Variants in EML1 observed in about 807,000 individuals in gnomAD.
EML1 encodes the protein echinoderm microtubule-associated protein-like 1.
EML1 carries 27 observed loss-of-function variants against 110.4 expected under a neutral mutation model. The ratio of observed to expected loss-of-function variants is 0.24; its 90% confidence interval spans 0.18 to 0.34. The LOEUF (loss-of-function observed/expected upper bound fraction) is 0.34. Among genes scored for constraint, EML1 ranks in the 10% least tolerant of loss-of-function variants. The pLI is 1.00. For missense variants in EML1, 741 were observed against 1,030.9 expected (o/e 0.72, Z 3.85); for synonymous variants, 344 against 385.8 (o/e 0.89, Z 1.27).
At chr14:99,843,119 TG>T (rs1471070487) in intron 1 of EML1, among the ~76,000 whole-genome samples, 2 of 152,126 alleles carry the variant, frequency 1.3e-5, no homozygotes, top group Admixed American at 6.6e-5. Context: ...CTAGATGTGG[TG>T]GTGTGCATCT....
rs143087620 is a variant in EML1, at chr14:99,763,424, C to T, written c.28+25564C>T. 4.1e-3 allele frequency among the ~76,000 whole-genome samples: 626 copies of T among 152,272 alleles called. 3 individuals carry two copies. The highest frequency in any genetic ancestry group is 6.9e-3 in the Non-Finnish European group (471 of 68,014). ...CGTGGATTTATTGCAAGACAACCCT[C>T]TTCATAGCAGCACACTCAGGCACCT... On this transcript the variant is annotated intron_variant, in intron 1 of 10. Coordinates refer to the EML1 transcript ENST00000554479.
chr14:99,756,165 G>C (rs2057251615), intron 1 of EML1, among the ~76,000 whole-genome samples: 1 of 152,238 alleles, frequency 6.6e-6, no homozygotes, highest in South Asian at 2.1e-4. Flanking sequence ...GTCAGCAAGT[G>C]CTGGGCCCCA....
Position 99,927,765 on chromosome 14 carries a change from AGTAGTGGTGGTG to A in EML1, c.1909+6904_1909+6915del, listed in dbSNP as rs1390082543. Among the ~76,000 whole-genome samples the A allele has an allele frequency of 4.7e-3, 372 of 79,706 alleles. 2 individuals are homozygous for A. Among genetic ancestry groups the A allele is most frequent in the Middle Eastern group, 0.02 (2 of 100 alleles). The allele number at this position is 79,706 out of a possible 152,430, so 52.3% of individuals were successfully genotyped here. On this transcript the variant is annotated intron_variant, in intron 17 of 21. Transcript: ENST00000262233. Reference sequence around the variant, plus strand: ...ACAGTCACCGATCAGTGGTGGTGATAGTAGTGGTGGTGGTAGTGGTGGTGGTATTGGTGGTGG... The same window carrying A: ...ACAGTCACCGATCAGTGGTGGTGATAGTAGTGGTGGTGGTATTGGTGGTGG...
intron 4 of EML1, among the ~76,000 whole-genome samples, chr14:99,884,466 A>G (rs764031693): frequency 1.3e-5 from 2 of 152,176 alleles, no homozygotes; most frequent in African/African-American, 2.4e-5. Flanking sequence ...TCATTCTCCT[A>G]ACAAATGTCA....
At position 99,777,431 on chromosome 14, in the gene EML1, G is replaced by T. The variant is rs111693462; in HGVS notation, c.-27+3418G>T. On this transcript the variant is annotated intron_variant, in intron 1 of 22. Transcript: ENST00000327921. ...TTTCTTTTTTTGTTTCTTTTTGTTT[G>T]TTTGTTTGAGAGGAGTCTTGCGCTG... 2.9e-3 allele frequency among the ~76,000 whole-genome samples: 441 copies of T among 152,000 alleles called. 2 individuals carry two copies. The highest frequency in any genetic ancestry group is 0.01 in the African/African-American group (425 of 41,494).
At chr14:99,767,432 A>G (rs2057379018) in intron 1 of EML1, among the ~76,000 whole-genome samples, 1 of 152,178 alleles carries the variant, frequency 6.6e-6, no homozygotes, top group Admixed American at 6.5e-5. Flanking sequence ...TGAAGCCCCA[A>G]CTCTACTAAA....
chr14:99,906,464 T>G (rs1049106649), intron 9 of EML1, among the ~76,000 whole-genome samples: 2 of 152,190 alleles, frequency 1.3e-5, no homozygotes, highest in Non-Finnish European at 1.5e-5. Context: ...GACGTTGCCA[T>G]GACATGTATA....
At chr14:99,811,998 G>A (rs956866520) in intron 1 of EML1, among the ~76,000 whole-genome samples, 1 of 151,786 alleles carries the variant, frequency 6.6e-6, no homozygotes, top group Non-Finnish European at 1.5e-5. Context: ...GGTGGCACAG[G>A]TGGCAGAAAA....
chr14:99,876,925 T>C (rs2059302073), intron 3 of EML1, among the ~76,000 whole-genome samples: 1 of 152,148 alleles, frequency 6.6e-6, no homozygotes, highest in Non-Finnish European at 1.5e-5. Flanking sequence ...GCTACGAAAA[T>C]GATAAATGAG....
At chr14:99,928,939 T>C (rs2060317267) in intron 17 of EML1, among the ~76,000 whole-genome samples, 4 of 152,224 alleles carry the variant, frequency 2.6e-5, no homozygotes, top group Non-Finnish European at 2.9e-5. Flanking sequence ...ATTTAGCCAG[T>C]GTTCTGCATC....
intron 1 of EML1, among the ~76,000 whole-genome samples, chr14:99,826,356 G>C (rs76949205): frequency 6.6e-6 from 1 of 151,980 alleles, no homozygotes; most frequent in Admixed American, 6.6e-5. Flanking sequence ...CATGTGATCC[G>C]CCTCCCTCAG....
chr14:99,799,692 A>C (rs1010646341), intron 1 of EML1, among the ~76,000 whole-genome samples: 4 of 152,176 alleles, frequency 2.6e-5, no homozygotes, highest in Admixed American at 6.5e-5. Context: ...AAATCACAAA[A>C]CTGTGCTTAA....
chr14:99,864,519 A>G (rs953471159), intron 2 of EML1, among the ~76,000 whole-genome samples: 1 of 152,116 alleles, frequency 6.6e-6, no homozygotes, highest in African/African-American at 2.4e-5. Flanking sequence ...GCCTTTGTTG[A>G]AAAGATGATC....
rs1595219489 is a variant in EML1 at position 99,737,922 on chromosome 14, G to A, written c.28+62G>A. On this transcript the variant is annotated intron_variant, in intron 1 of 10. Transcript: ENST00000554479. ...GGTTGCAGAGCCAAGGCCGCCAGTCGCCGAGGGCACTGGGGCCCCCGCAGG... is the reference window on the plus strand; with the variant it reads ...GGTTGCAGAGCCAAGGCCGCCAGTCACCGAGGGCACTGGGGCCCCCGCAGG... 28 of 1,279,456 alleles carry A rather than the reference G, an allele frequency of 2.2e-5. 1 individual carries two copies. The highest frequency in any genetic ancestry group is 1.7e-4 in the South Asian group (14 of 80,000). 79.3% of individuals were successfully genotyped at this position (1,279,456 alleles called of 1,614,324 possible).
chr14:99,795,459 T>A (rs1486135774), intron 1 of EML1, among the ~76,000 whole-genome samples: 1 of 152,228 alleles, frequency 6.6e-6, no homozygotes, highest in Non-Finnish European at 1.5e-5. Flanking sequence ...CTGTATTTGT[T>A]ATTTTTTTTT....
chr14:99,851,771 A>G (rs748505526), intron 2 of EML1, among the ~76,000 whole-genome samples: 5 of 152,064 alleles, frequency 3.3e-5, no homozygotes, highest in Non-Finnish European at 5.9e-5. Context: ...GCATAGCAAC[A>G]CTCGATCATA....
intron 15 of EML1, chr14:99,914,961 C>G (rs1216480835): frequency 2.1e-6 from 1 of 476,606 alleles, no homozygotes; most frequent in Non-Finnish European, 3.7e-6. Flanking sequence ...GTCAGATTTT[C>G]TGAGTACAGT....
chr14:99,890,299 A>G (rs1179542571), intron 4 of EML1, among the ~76,000 whole-genome samples: 2 of 152,178 alleles, frequency 1.3e-5, no homozygotes, highest in Admixed American at 6.5e-5. Flanking sequence ...TAAGCAGTGC[A>G]AAGCATGAAC....
At chr14:99,791,425 C>T (rs1035532171), upstream of EML1, among the ~76,000 whole-genome samples, 5 of 152,326 alleles carry the variant, frequency 3.3e-5, no homozygotes, top group African/African-American at 1.2e-4. Flanking sequence ...GAATGTCCTT[C>T]TCTCTCCTTT....
Sources: gnomAD v4.1 joint callset for allele counts (sites outside exome capture counted in the v4.1 genomes callset) on GRCh38, gnomAD v4.1.1 for gene constraint, MANE v1.5 for transcripts, NCBI Gene and HGNC (gene_info 2026-07-23, HGNC 2026-07-21) for gene names.